OR56A3: variants seen among roughly 807,000 people sequenced by gnomAD.
The protein encoded by OR56A3 is olfactory receptor 56A3.
OR56A3 carries 23 observed loss-of-function variants against 17.5 expected under a neutral mutation model. The ratio of observed to expected loss-of-function variants is 1.32; its 90% CI spans 0.95 to 1.87. The LOEUF is 1.87. Among genes scored for constraint, OR56A3 ranks in the 40% most tolerant of loss-of-function variants. OR56A3 has a pLI of 0.00. For synonymous variants in OR56A3, 175 were observed against 150.6 expected (o/e 1.16, Z -1.19); for missense variants, 366 against 380.1 (o/e 0.96, Z 0.31).
the OR56A3 span, among the ~76,000 whole-genome samples, chr11:5,996,095 G>A: frequency 6.6e-6 from 1 of 152,124 alleles, no homozygotes; most frequent in Non-Finnish European, 1.5e-5. Context: ...ATGTCAAAGG[G>A]ATGTCTATAC....
the OR56A3 span, among the ~76,000 whole-genome samples, chr11:6,012,161 G>C: frequency 6.6e-6 from 1 of 152,214 alleles, no homozygotes. Flanking sequence ...CCGAGATTTT[G>C]TCCTGTGACC....
chr11:5,952,698 C>T (rs553758098), downstream of OR56A3, among the ~76,000 whole-genome samples: 1 of 152,158 alleles, frequency 6.6e-6, no homozygotes, highest in East Asian at 1.9e-4. Flanking sequence ...CCAGGTTTGT[C>T]ACCTGGGCAT....
the OR56A3 span, among the ~76,000 whole-genome samples, chr11:5,996,773 G>C: frequency 1.3e-5 from 2 of 152,202 alleles, no homozygotes. Context: ...TAGAGACATT[G>C]GCTTTGTTTC....
At chr11:5,968,395 G>A in the OR56A3 span, 3 of 1,613,116 alleles carry the variant, frequency 1.9e-6, no homozygotes, top group South Asian at 1.1e-5. Context: ...AGGAGGCTGA[G>A]GGGCAGAGAC....
At chr11:5,965,748 A>G in the OR56A3 span, among the ~76,000 whole-genome samples, 1 of 152,234 alleles carries the variant, frequency 6.6e-6, no homozygotes, top group Non-Finnish European at 1.5e-5. Context: ...ACATGACTCA[A>G]GAAGGTCAGA....
chr11:5,959,325 T>A, the OR56A3 span, among the ~76,000 whole-genome samples: 13 of 152,144 alleles, frequency 8.5e-5, no homozygotes, highest in Non-Finnish European at 1.6e-4. Context: ...TGTTTTGTTT[T>A]CCTTTTTGTT....
chr11:5,958,669 A>G, the OR56A3 span, among the ~76,000 whole-genome samples: 1 of 152,248 alleles, frequency 6.6e-6, no homozygotes, highest in East Asian at 1.9e-4. Flanking sequence ...TTTCAACAAT[A>G]CAATGTATTA....
chr11:5,968,020 TAAG>T, the OR56A3 span: 6 of 1,596,150 alleles, frequency 3.8e-6, no homozygotes, highest in Non-Finnish European at 5.1e-6. Context: ...ATAGGCATAG[TAAG>T]AAGGCCATTC....
At chr11:6,017,555 CCCTCATAATTCAATCGCCT>C in the OR56A3 span, among the ~76,000 whole-genome samples, 1 of 152,106 alleles carries the variant, frequency 6.6e-6, no homozygotes, top group African/African-American at 2.4e-5. Flanking sequence ...CAAGAAACCA[CCCTCATAATTCAATCGCCT>C]CTCACTAGGT....
chr11:5,978,505 T>A, the OR56A3 span, among the ~76,000 whole-genome samples: 2 of 152,114 alleles, frequency 1.3e-5, no homozygotes, highest in Non-Finnish European at 2.9e-5. Context: ...TTGACTTGGT[T>A]CTCAGCTTGG....
At chr11:6,003,412 T>C in the OR56A3 span, among the ~76,000 whole-genome samples, 1 of 152,212 alleles carries the variant, frequency 6.6e-6, no homozygotes, top group Admixed American at 6.5e-5. Context: ...TTTACAATGA[T>C]TTTCATTCAT....
chr11:5,989,982 C>A, the OR56A3 span, among the ~76,000 whole-genome samples: 15 of 152,188 alleles, frequency 9.9e-5, no homozygotes, highest in Non-Finnish European at 2.2e-4. Flanking sequence ...ACCCAAGCAA[C>A]CTTTCTTTTG....
the OR56A3 span, chr11:6,006,184 A>T: frequency 2.6e-5 from 4 of 152,190 alleles, no homozygotes; most frequent in Non-Finnish European, 5.9e-5. Flanking sequence ...GTTCTTTTGG[A>T]CTTCCAGTAG....
Position 5,950,026 on chromosome 11 carries a change from A to T in OR56A3, c.*1732A>T, listed in dbSNP as rs1847898691. 1 of 152,202 alleles carries T rather than the reference A, an allele frequency of 6.6e-6. No homozygotes were observed. The highest frequency in any genetic ancestry group is 1.9e-4 in the East Asian group (1 of 5,206). 9.4% of individuals were successfully genotyped at this position (152,202 alleles called of 1,614,324 possible). ...ATTTCAACATAAGAAAAATGGCTTG[A>T]CTTGAAATGTGAATAACCGTATACC... On this transcript the variant is annotated 3_prime_UTR_variant, in exon 3 of 3. Transcript: ENST00000641160.
intron 2 of OR56A3, among the ~76,000 whole-genome samples, chr11:5,945,534 A>G (rs1333409117): frequency 6.6e-6 from 1 of 150,512 alleles, no homozygotes; most frequent in Non-Finnish European, 1.5e-5. Context: ...GTGAGCAGAG[A>G]TCACGCCATT....
At chr11:5,982,179 C>T in the OR56A3 span, among the ~76,000 whole-genome samples, 2 of 152,122 alleles carry the variant, frequency 1.3e-5, no homozygotes, top group African/African-American at 4.8e-5. Flanking sequence ...CTGGCAGTGG[C>T]AGAGTGATGG....
At chr11:6,008,587 T>G in the OR56A3 span, among the ~76,000 whole-genome samples, 3 of 151,952 alleles carry the variant, frequency 2.0e-5, no homozygotes, top group Non-Finnish European at 2.9e-5. Flanking sequence ...CGCTTCTACT[T>G]GGGCAATGTT....
intron 1 of OR56A3, chr11:5,943,574 T>A (rs1427433402): frequency 6.8e-6 from 1 of 147,946 alleles, no homozygotes; most frequent in Non-Finnish European, 1.5e-5. Context: ...AAATAAAACA[T>A]TTCTGAAGTT....
At chr11:5,999,099 A>C in the OR56A3 span, among the ~76,000 whole-genome samples, 1 of 152,216 alleles carries the variant, frequency 6.6e-6, no homozygotes, top group Non-Finnish European at 1.5e-5. Context: ...GCTATGTTCA[A>C]CTAAAGGTCT....
Sources: gnomAD v4.1 joint callset for allele counts (sites outside exome capture counted in the v4.1 genomes callset) on GRCh38, gnomAD v4.1.1 for gene constraint, MANE v1.5 for transcripts, NCBI Gene and HGNC (gene_info 2026-07-23, HGNC 2026-07-21) for gene names.